SSPN: variants seen among roughly 807,000 people sequenced by gnomAD.
SSPN encodes sarcospan.
Under a neutral mutation model 19.1 loss-of-function variants are expected in SSPN, and 15 were observed. The observed-to-expected ratio is 0.78, with a 90% CI of 0.52 to 1.21. SSPN has a LOEUF of 1.21. Among genes scored for constraint, SSPN ranks in the 50% most tolerant of loss-of-function variants. The pLI, the probability that SSPN is intolerant of heterozygous loss-of-function variation, is 0.00. For missense variants in SSPN, 291 were observed against 314.0 expected, an observed-to-expected ratio of 0.93 and a Z score of 0.55; for synonymous variants, 147 against 140.3, an observed-to-expected ratio of 1.05 and a Z score of -0.34.
At position 26,166,922 on chromosome 12, in the gene SSPN, A is replaced by G. The variant is rs894987544; in HGVS notation, c.-31+44770A>G. On this transcript the variant is annotated intron_variant, in intron 1 of 2. Transcript: ENST00000538142. ...GAGTGTAAATGTAGTGTTATCTATT[A>G]TGGAAGAATTAGAAAAACATTAAAG... Among the ~76,000 whole-genome samples the G allele has an allele frequency of 1.3e-4, 20 of 152,376 alleles. No individual in the cohort carries two copies. The East Asian group carries it at 2.7e-3, about 21-fold the overall frequency.
chr12:26,201,494 C>T (rs1182741323), intron 1 of SSPN, among the ~76,000 whole-genome samples: 2 of 151,472 alleles, frequency 1.3e-5, no homozygotes, highest in Admixed American at 6.6e-5. Context: ...TGTTCAGAAT[C>T]AGCAGGAGAA....
At position 26,231,798 on chromosome 12, in the gene SSPN, T is replaced by C; in HGVS notation, c.*722T>C. 1.3e-5 allele frequency: 5 copies of C among 379,748 alleles called. No homozygotes were observed. The highest frequency in any genetic ancestry group is 1.8e-5 in the Non-Finnish European group (5 of 276,412). 23.5% of individuals were successfully genotyped at this position (379,748 alleles called of 1,614,324 possible). ...GTTGTATTCTAAATGATGTAGAAGG[T>C]TTAAAAATAATTACATTATGCTTCT... On this transcript the variant is annotated 3_prime_UTR_variant, in exon 3 of 3. Coordinates refer to ENST00000242729, the MANE Select transcript of SSPN (RefSeq NM_005086.5).
Position 26,234,058 on chromosome 12 carries a change from A to G in SSPN, c.*2982A>G, listed in dbSNP as rs915491916. ...TTGGATTAAAAGTGTATATCTCTCT[A>G]CTGAGGGGTTTCCAGCTTTACACTT... On this transcript the variant is annotated 3_prime_UTR_variant, in exon 3 of 3. Coordinates refer to ENST00000242729, the MANE Select transcript of SSPN (RefSeq NM_005086.5). 1 of 152,148 alleles carries G rather than the reference A, an allele frequency of 6.6e-6. No homozygotes were observed. The highest frequency in any genetic ancestry group is 1.9e-4 in the East Asian group (1 of 5,208). 9.4% of individuals were successfully genotyped at this position (152,148 alleles called of 1,614,324 possible).
At chr12:26,151,211 C>T (rs528275469) in intron 1 of SSPN, among the ~76,000 whole-genome samples, 21 of 151,992 alleles carry the variant, frequency 1.4e-4, no homozygotes, top group African/African-American at 4.3e-4. Context: ...AAAAATTGTG[C>T]TATAATGCCA....
chr12:26,160,312 T>C (rs1176747553), intron 1 of SSPN, among the ~76,000 whole-genome samples: 1 of 152,256 alleles, frequency 6.6e-6, no homozygotes, highest in Non-Finnish European at 1.5e-5. Context: ...TTTATATTCC[T>C]CATTTACCCC....
At chr12:26,152,729 A>G (rs1196747257) in intron 1 of SSPN, among the ~76,000 whole-genome samples, 1 of 152,174 alleles carries the variant, frequency 6.6e-6, no homozygotes, top group Non-Finnish European at 1.5e-5. Flanking sequence ...TCCACACAGG[A>G]GGCAGTCATA....
intron 1 of SSPN, chr12:26,122,460 C>T: frequency 3.0e-6 from 4 of 1,352,998 alleles, no homozygotes; most frequent in South Asian, 1.6e-5. Flanking sequence ...CGAGAGGAAG[C>T]AGAAGGGCAG....
intron 1 of SSPN, among the ~76,000 whole-genome samples, chr12:26,160,867 G>A (rs1376058891): frequency 6.6e-6 from 1 of 152,088 alleles, no homozygotes; most frequent in African/African-American, 2.4e-5. Flanking sequence ...CAGCACTTTG[G>A]GAGGCCAAGG....
intron 1 of SSPN, among the ~76,000 whole-genome samples, chr12:26,167,841 T>A (rs1944630572): frequency 6.6e-6 from 1 of 152,232 alleles, no homozygotes. Context: ...CATTGCAGTC[T>A]TTAAAATAAA....
chr12:26,207,595 C>T (rs1197527693), intron 1 of SSPN, among the ~76,000 whole-genome samples: 3 of 152,134 alleles, frequency 2.0e-5, no homozygotes, highest in African/African-American at 7.2e-5. Flanking sequence ...AATTTTTATA[C>T]AGATGGTATC....
intron 1 of SSPN, among the ~76,000 whole-genome samples, chr12:26,170,829 G>T (rs980239370): frequency 2.6e-5 from 4 of 152,184 alleles, no homozygotes; most frequent in South Asian, 4.1e-4. Context: ...GAGAGGAACA[G>T]CTTTGCCCAT....
intron 1 of SSPN, among the ~76,000 whole-genome samples, chr12:26,148,314 T>A (rs1178751475): frequency 6.6e-6 from 1 of 152,200 alleles, no homozygotes; most frequent in African/African-American, 2.4e-5. Flanking sequence ...TATGTTACTC[T>A]GAAGGAAATG....
At chr12:26,217,552 T>C (rs1391799882) in intron 1 of SSPN, among the ~76,000 whole-genome samples, 15 of 102,934 alleles carry the variant, frequency 1.5e-4, no homozygotes, top group Non-Finnish European at 1.9e-4. Context: ...CTTTTCCTAA[T>C]TGAATACCCT....
intron 1 of SSPN, among the ~76,000 whole-genome samples, chr12:26,144,051 A>G (rs1378231460): frequency 6.6e-6 from 1 of 152,222 alleles, no homozygotes. Flanking sequence ...TAATTATTTC[A>G]TTCTATATTA....
At chr12:26,160,706 A>G (rs1362111756) in intron 1 of SSPN, among the ~76,000 whole-genome samples, 1 of 152,036 alleles carries the variant, frequency 6.6e-6, no homozygotes, top group African/African-American at 2.4e-5. Context: ...GACTGCTACC[A>G]CCCATGTCAG....
chr12:26,218,435 A>G (rs1464716214), intron 1 of SSPN, among the ~76,000 whole-genome samples: 1 of 140,988 alleles, frequency 7.1e-6, no homozygotes, highest in Non-Finnish European at 1.5e-5. Context: ...ACCTGTATAC[A>G]TATGTAACTA....
chr12:26,195,343 C>G (rs1168045665), upstream of SSPN: 1 of 288,190 alleles, frequency 3.5e-6, no homozygotes, highest in East Asian at 5.9e-5. Flanking sequence ...CGCACTCGCA[C>G]ACGCGCGCAC....
chr12:26,218,072 G>A (rs1482143373), intron 1 of SSPN, among the ~76,000 whole-genome samples: 7 of 150,376 alleles, frequency 4.7e-5, no homozygotes, highest in African/African-American at 7.4e-5. Flanking sequence ...CAACCCAAAT[G>A]TCCAACAATG....
intron 1 of SSPN, among the ~76,000 whole-genome samples, chr12:26,150,975 T>C (rs1040053741): frequency 1.2e-4 from 19 of 152,178 alleles, no homozygotes; most frequent in African/African-American, 4.3e-4. Context: ...TGAACAGTGG[T>C]TGAGAAATGA....
Sources: gnomAD v4.1 joint callset for allele counts (sites outside exome capture counted in the v4.1 genomes callset) on GRCh38, gnomAD v4.1.1 for gene constraint, MANE v1.5 for transcripts, NCBI Gene and HGNC (gene_info 2026-07-23, HGNC 2026-07-21) for gene names.